MGAT5B: variants seen among roughly 807,000 people sequenced by gnomAD.
The protein encoded by MGAT5B is N-acetylglucosaminyl-transferase Vb.
A neutral mutation model predicts 95.1 loss-of-function variants in MGAT5B; 54 were observed. That is an observed-to-expected ratio of 0.57 (90% CI 0.46 to 0.71). The LOEUF is 0.71. Among genes scored for constraint, MGAT5B ranks in the 30% least tolerant of loss-of-function variants. MGAT5B has a pLI of 0.00. For synonymous variants in MGAT5B, 464 were observed against 451.0 expected (o/e 1.03, Z -0.36); for missense variants, 935 against 1,088.6 (o/e 0.86, Z 1.99).
intron 10 of MGAT5B, among the ~76,000 whole-genome samples, chr17:76,927,047 G>C (rs1008857984): frequency 6.6e-6 from 1 of 152,158 alleles, no homozygotes; most frequent in Admixed American, 6.5e-5. Context: ...GGGACTCCGC[G>C]GCCTTCCAGA....
rs571263661 is a variant in MGAT5B, at chr17:76,889,643, C to A, written c.329+7345C>A. On this transcript the variant is annotated intron_variant, in intron 3 of 17. Transcript: ENST00000569840. This position sits in a 1 kb window ranked among gnomAD's most constrained non-coding sequence, Gnocchi z 4.4. ...GGCTGAAGTAATAATTATTAATCAT[C>A]ATAATAATTAATGATGATAATAATC... Among the ~76,000 whole-genome samples, 2 of 152,210 alleles carry A rather than the reference C, an allele frequency of 1.3e-5. No individual in the cohort carries two copies. Among genetic ancestry groups the A allele is most frequent in the African/African-American group, 2.4e-5 (1 of 41,500 alleles).
Position 76,869,023 on chromosome 17 carries a change from T to G in MGAT5B, c.-7T>G. 2 of 1,613,696 alleles carry G rather than the reference T, an allele frequency of 1.2e-6. No individual in the cohort carries two copies. The highest frequency in any genetic ancestry group is 1.7e-6 in the Non-Finnish European group (2 of 1,179,792). On this transcript the variant is annotated 5_prime_UTR_variant, in exon 1 of 18. Transcript: ENST00000569840. This position sits in a 1 kb window ranked among gnomAD's most constrained non-coding sequence, Gnocchi z 7.0. ...CCCGCGGCTGCTCGCACCAACAAGT[T>G]TGAACAATGATCACCGTCAACCCCG...
At chr17:76,882,459 C>A in intron 3 of MGAT5B, 161 bp downstream of exon 3, 1 of 804,676 alleles carries the variant, frequency 1.2e-6, no homozygotes, top group Non-Finnish European at 1.8e-6. Context: ...ATTTAACAAC[C>A]GTTAACATTT....
At chr17:76,887,446 C>T in intron 3 of MGAT5B, among the ~76,000 whole-genome samples, 1 of 130,012 alleles carries the variant, frequency 7.7e-6, no homozygotes, top group South Asian at 3.0e-4. Flanking sequence ...TCCCTCCCTC[C>T]CTTCCTTCCT....
At chr17:76,886,635 C>G (rs1967638460) in intron 3 of MGAT5B, among the ~76,000 whole-genome samples, 4 of 152,128 alleles carry the variant, frequency 2.6e-5, no homozygotes, top group Non-Finnish European at 5.9e-5. Flanking sequence ...GCTGAGGTGG[C>G]TGAGCCCGAG....
Position 76,869,164 on chromosome 17 carries a change from C to A in MGAT5B, c.68+67C>A. The A allele has an allele frequency of 7.1e-7, 1 of 1,404,916 alleles. No individual in the cohort carries two copies. Among genetic ancestry groups the A allele is most frequent in the Non-Finnish European group, 1.0e-6 (1 of 990,158 alleles). 87.0% of individuals were successfully genotyped at this position (1,404,916 alleles called of 1,614,324 possible). A position where few individuals can be genotyped will look rare whatever the true frequency, so the allele number is the denominator to read the frequency against. On this transcript the variant is annotated intron_variant, in intron 1 of 17. Transcript: ENST00000569840. The surrounding 1 kb of genome is among the most constrained non-coding windows in gnomAD (Gnocchi z 7.0). ...CGGGTGGAGGTGGGCGAGGTCGGTT[C>A]CTGCGAACGTTCAAGTCCTGGTGGC...
intron 3 of MGAT5B, among the ~76,000 whole-genome samples, chr17:76,899,688 T>G (rs2145178554): frequency 6.6e-6 from 1 of 152,224 alleles, no homozygotes; most frequent in Non-Finnish European, 1.5e-5. Flanking sequence ...TATTCATTCC[T>G]GTCAAAGGAG....
intron 10 of MGAT5B, among the ~76,000 whole-genome samples, chr17:76,927,509 G>A: frequency 6.6e-6 from 1 of 152,164 alleles, no homozygotes; most frequent in East Asian, 1.9e-4. Context: ...CAAAGTGCTG[G>A]GATTACAGGT....
intron 15 of MGAT5B, among the ~76,000 whole-genome samples, chr17:76,942,804 C>T (rs190263491): frequency 3.9e-5 from 6 of 152,322 alleles, no homozygotes; most frequent in Middle Eastern, 3.4e-3. Flanking sequence ...TGTCACCCCA[C>T]AGTCTCCTCC....
chr17:76,872,460 G>C (rs1341222985), intron 1 of MGAT5B, among the ~76,000 whole-genome samples: 1 of 152,244 alleles, frequency 6.6e-6, no homozygotes, highest in African/African-American at 2.4e-5. Flanking sequence ...ATCTGATTCA[G>C]TAATTTGGGG....
chr17:76,938,228 G>A lies in MGAT5B; in HGVS notation c.1584+85G>A. On this transcript the variant is annotated intron_variant, in intron 13 of 17. Coordinates refer to ENST00000569840, the MANE Select transcript of MGAT5B (RefSeq NM_001199172.2). This position sits in a 1 kb window ranked among gnomAD's most constrained non-coding sequence, Gnocchi z 4.3. ...ACCCATGCCTGCCACCACCACTCAG[G>A]CCCCTTCCACATATGGACATACCCC... 6.5e-7 allele frequency: 1 copy of A among 1,533,716 alleles called. No individual in the cohort carries two copies. Among genetic ancestry groups the A allele is most frequent in the Non-Finnish European group, 8.9e-7 (1 of 1,124,762 alleles).
In MGAT5B at chr17:76,944,633, G is replaced by A. The variant is rs79882445; in HGVS notation, c.1849-1743G>A. On this transcript the variant is annotated intron_variant, in intron 15 of 17. Transcript: ENST00000569840. Reference sequence around the variant, plus strand: ...TGGGGATGGGACCTGCAGATTCTCCGGGACTTCGAACTTGCCCCAGCGTTG... The same window carrying A: ...TGGGGATGGGACCTGCAGATTCTCCAGGACTTCGAACTTGCCCCAGCGTTG... Among the ~76,000 whole-genome samples the A allele has an allele frequency of 3.3e-3, 497 of 152,266 alleles. 5 individuals carry two copies. The highest frequency in any genetic ancestry group is 0.011 in the African/African-American group (476 of 41,558).
rs576971815 is a variant in MGAT5B, at chr17:76,916,642, CAGAA to C, written c.1026-8318_1026-8315del. 1.3e-5 allele frequency among the ~76,000 whole-genome samples: 2 copies of C among 152,288 alleles called. No individual in the cohort carries two copies. Among genetic ancestry groups the C allele is most frequent in the African/African-American group, 4.8e-5 (2 of 41,572 alleles). ...AACCTCATCTCTACAAGAAAAAACTCAGAAAGAAATGAGGAGAAGGGCTGGCTTC... is the reference window on the plus strand; with the variant it reads ...AACCTCATCTCTACAAGAAAAAACTCAGAAATGAGGAGAAGGGCTGGCTTC... On this transcript the variant is annotated intron_variant, in intron 8 of 17. Coordinates refer to ENST00000569840, the MANE Select transcript of MGAT5B (RefSeq NM_001199172.2). The surrounding 1 kb of genome is among the most constrained non-coding windows in gnomAD (Gnocchi z 5.3).
At chr17:76,926,396 G>A (rs1337806713) in intron 9 of MGAT5B, among the ~76,000 whole-genome samples, 1 of 152,162 alleles carries the variant, frequency 6.6e-6, no homozygotes, top group Non-Finnish European at 1.5e-5. Flanking sequence ...TTTCCCACTG[G>A]ACAGATGAGG....
rs997674473 is a variant in MGAT5B, at chr17:76,906,783, T to C, written c.1025+596T>C. On this transcript the variant is annotated intron_variant, in intron 8 of 17. Transcript: ENST00000569840. This position sits in a 1 kb window ranked among gnomAD's most constrained non-coding sequence, Gnocchi z 4.6. Reference sequence around the variant, plus strand: ...ATGTCAAGGGGGTAAGAGTGTGTGATTGGGTTTATTTTTAATCACTGTTTC... The same window carrying C: ...ATGTCAAGGGGGTAAGAGTGTGTGACTGGGTTTATTTTTAATCACTGTTTC... Among the ~76,000 whole-genome samples, 8 of 151,976 alleles carry C rather than the reference T, an allele frequency of 5.3e-5. No homozygotes were observed. The highest frequency in any genetic ancestry group is 1.2e-4 in the Non-Finnish European group (8 of 67,990).
intron 2 of MGAT5B, among the ~76,000 whole-genome samples, chr17:76,873,352 T>A (rs112946222): frequency 1.3e-5 from 2 of 152,240 alleles, no homozygotes; most frequent in African/African-American, 4.8e-5. Context: ...GGCCTGGCCA[T>A]GGGCTTAAAT....
intron 8 of MGAT5B, among the ~76,000 whole-genome samples, chr17:76,909,984 G>A (rs556071495): frequency 6.6e-6 from 1 of 152,316 alleles, no homozygotes; most frequent in Non-Finnish European, 1.5e-5. Context: ...CACGCCTGTG[G>A]CTGTGTTGAG....
intron 8 of MGAT5B, among the ~76,000 whole-genome samples, chr17:76,919,710 C>T (rs1158269406): frequency 3.3e-5 from 5 of 152,190 alleles, no homozygotes; most frequent in Admixed American, 1.3e-4. Flanking sequence ...GGATTATAGG[C>T]GTGAGCCGCT....
At chr17:76,948,595 C>G in intron 17 of MGAT5B, 45 bp from the exon 18 acceptor site, 1 of 1,570,902 alleles carries the variant, frequency 6.4e-7, no homozygotes, top group Non-Finnish European at 8.7e-7. Context: ...GCCCTTCTGC[C>G]CAAGTGACCA....
Sources: gnomAD v4.1 joint callset for allele counts (sites outside exome capture counted in the v4.1 genomes callset) on GRCh38, gnomAD v4.1.1 for gene constraint, Gnocchi (gnomAD v3.1) non-coding constraint, MANE v1.5 for transcripts, NCBI Gene and HGNC (gene_info 2026-07-23, HGNC 2026-07-21) for gene names.